Variants in ALG12 observed in about 807,000 individuals in gnomAD.
ALG12 encodes the protein dol-P-Man:Man(7)GlcNAc(2)-PP-Dol alpha-1,6-mannosyltransferase.
ALG12 carries 36 observed loss-of-function variants against 46.0 expected under a neutral mutation model. The ratio of observed to expected loss-of-function variants is 0.78; its 90% CI spans 0.60 to 1.03. The LOEUF is 1.03. Ranked by LOEUF, ALG12 falls within the 50% of genes least tolerant of loss-of-function variation. The pLI is 0.00. For synonymous variants in ALG12, 326 were observed against 291.6 expected (o/e 1.12, Z -1.20); for missense variants, 599 against 633.5 (o/e 0.95, Z 0.58).
At chr22:49,869,700 G>A in the ALG12 span, among the ~76,000 whole-genome samples, 2 of 152,114 alleles carry the variant, frequency 1.3e-5, no homozygotes, top group African/African-American at 2.4e-5. Flanking sequence ...AGTGGAAAGG[G>A]TAGCATAATA....
the ALG12 span, among the ~76,000 whole-genome samples, chr22:49,872,172 C>T: frequency 9.2e-5 from 14 of 152,330 alleles, no homozygotes; most frequent in Admixed American, 7.8e-4. Context: ...CTCTCAAACC[C>T]TGCTGTTGTT....
downstream of ALG12, among the ~76,000 whole-genome samples, chr22:49,897,035 G>A (rs1034472817): frequency 4.0e-5 from 6 of 151,500 alleles, no homozygotes; most frequent in South Asian, 2.1e-4. Flanking sequence ...TGCCAGCCCC[G>A]GTCTTTTTTG....
chr22:49,861,888 C>T, the ALG12 span, among the ~76,000 whole-genome samples: 2 of 152,094 alleles, frequency 1.3e-5, no homozygotes, highest in Admixed American at 6.5e-5. Context: ...CAGGTCTGTT[C>T]GTAGCGTGTG....
chr22:49,887,460 G>A, the ALG12 span: 3 of 308,424 alleles, frequency 9.7e-6, no homozygotes, highest in Non-Finnish European at 1.3e-5. Context: ...GTTTTTTAAA[G>A]TTTTGGGTTA....
In ALG12 at chr22:49,906,417, G is replaced by A. The variant is rs780477782; in HGVS notation, c.992+1304C>T. 5.3e-5 allele frequency among the ~76,000 whole-genome samples: 8 copies of A among 152,072 alleles called. No individual in the cohort carries two copies. Among genetic ancestry groups the A allele is most frequent in the African/African-American group, 1.2e-4 (5 of 41,424 alleles). On this transcript the variant is annotated intron_variant, in intron 7 of 9. Transcript: ENST00000330817. The surrounding 1 kb of genome is among the most constrained non-coding windows in gnomAD (Gnocchi z 4.4). ...CTCCCAGGAGCCCCCACTGAGGCGC[G>A]GCTACAGCAGCCAGAGGAGCCCCCA... is the stretch of plus-strand genomic sequence containing the variant.
the ALG12 span, among the ~76,000 whole-genome samples, chr22:49,880,592 G>T: frequency 6.6e-6 from 1 of 152,208 alleles, no homozygotes; most frequent in Non-Finnish European, 1.5e-5. Context: ...CGTGCACGGC[G>T]TCTGGCTTAT....
chr22:49,910,983 G>A, intron 3 of ALG12, among the ~76,000 whole-genome samples: 1 of 152,220 alleles, frequency 6.6e-6, no homozygotes, highest in East Asian at 1.9e-4. Context: ...GCTCTAACCA[G>A]CAGCCATGAG....
chr22:49,915,197 T>A (rs1442718065), intron 1 of ALG12, among the ~76,000 whole-genome samples: 2 of 152,282 alleles, frequency 1.3e-5, no homozygotes, highest in Non-Finnish European at 1.5e-5. Context: ...GGTATGCAGT[T>A]CTCTCCTTTG....
chr22:49,896,022 C>A (rs1332306166), downstream of ALG12, among the ~76,000 whole-genome samples: 1 of 152,254 alleles, frequency 6.6e-6, no homozygotes, highest in Non-Finnish European at 1.5e-5. Context: ...CGTGTCCCTG[C>A]TGGGTCTCCG....
chr22:49,903,616 G>A lies in ALG12; in HGVS notation c.*222C>T, dbSNP rs373771091. 88 of 697,582 alleles carry A rather than the reference G, an allele frequency of 1.3e-4. No homozygotes were observed. The East Asian group carries it at 1.7e-3, about 14-fold the overall frequency. 43.2% of individuals were successfully genotyped at this position (697,582 alleles called of 1,614,324 possible). A position where few individuals can be genotyped will look rare whatever the true frequency, so the allele number is the denominator to read the frequency against. On this transcript the variant is annotated 3_prime_UTR_variant, in exon 10 of 10. Coordinates refer to ENST00000330817, the MANE Select transcript of ALG12 (RefSeq NM_024105.4). ...ACCATCACCCTGGGCAGTGGCTCCC[G>A]GGGTGCCAACAAGACCTGGGCCCCT... is the stretch of plus-strand genomic sequence containing the variant.
At chr22:49,881,437 G>A in the ALG12 span, among the ~76,000 whole-genome samples, 2 of 152,226 alleles carry the variant, frequency 1.3e-5, no homozygotes, top group Non-Finnish European at 2.9e-5. Context: ...CCAGGCTGGA[G>A]TGCAGTGGCA....
the ALG12 span, among the ~76,000 whole-genome samples, chr22:49,890,745 G>A: frequency 2.0e-5 from 3 of 152,044 alleles, no homozygotes; most frequent in Non-Finnish European, 4.4e-5. Flanking sequence ...GGCCAGATGC[G>A]GTGGCTCACG....
At chr22:49,877,928 T>A in the ALG12 span, among the ~76,000 whole-genome samples, 1 of 152,222 alleles carries the variant, frequency 6.6e-6, no homozygotes, top group African/African-American at 2.4e-5. Flanking sequence ...TGCTGCATAA[T>A]GATCCATTGT....
rs955378624 is a variant in ALG12, at chr22:49,901,744, G to A, written c.*2094C>T. 1 of 123,730 alleles carries A rather than the reference G, an allele frequency of 8.1e-6. No homozygotes were observed. The highest frequency in any genetic ancestry group is 3.9e-5 in the African/African-American group (1 of 25,466). 7.7% of individuals were successfully genotyped at this position (123,730 alleles called of 1,614,324 possible). ...TGTATGCATGGTGTGCACGTGCATT[G>A]TGCATGCGTGGTGTATGCATGGTAA... is the stretch of plus-strand genomic sequence containing the variant. On this transcript the variant is annotated 3_prime_UTR_variant, in exon 10 of 10. Transcript: ENST00000330817.
the ALG12 span, among the ~76,000 whole-genome samples, chr22:49,879,102 G>A: frequency 2.1e-4 from 31 of 149,282 alleles, no homozygotes; most frequent in African/African-American, 7.2e-4. Flanking sequence ...CCGAGATCGC[G>A]CCACTGCACT....
At chr22:49,876,975 A>G in the ALG12 span, among the ~76,000 whole-genome samples, 1 of 152,246 alleles carries the variant, frequency 6.6e-6, no homozygotes, top group Non-Finnish European at 1.5e-5. Flanking sequence ...CTGATGATTC[A>G]GATGACTCTG....
At chr22:49,862,391 AC>A in the ALG12 span, among the ~76,000 whole-genome samples, 1 of 152,286 alleles carries the variant, frequency 6.6e-6, no homozygotes, top group African/African-American at 2.4e-5. Flanking sequence ...GGCGTAAGCC[AC>A]TGCGCCCAGC....
chr22:49,870,261 A>G, the ALG12 span, among the ~76,000 whole-genome samples: 7 of 152,158 alleles, frequency 4.6e-5, no homozygotes, highest in Non-Finnish European at 1.0e-4. Flanking sequence ...TGTCTTTGCT[A>G]TTGTAAATAG....
chr22:49,909,206 C>A (rs762428296), intron 6 of ALG12, 38 bp downstream of exon 6: 1 of 1,592,928 alleles, frequency 6.3e-7, no homozygotes, highest in Non-Finnish European at 8.6e-7. Context: ...GGCTGCAGGT[C>A]CCACCCATCG....
Sources: gnomAD v4.1 joint callset for allele counts (sites outside exome capture counted in the v4.1 genomes callset) on GRCh38, gnomAD v4.1.1 for gene constraint, Gnocchi (gnomAD v3.1) non-coding constraint, MANE v1.5 for transcripts, NCBI Gene and HGNC (gene_info 2026-07-23, HGNC 2026-07-21) for gene names.